RAPGEF4: variants seen among roughly 807,000 people sequenced by gnomAD.
The protein encoded by RAPGEF4 is Rap guanine nucleotide exchange factor 4.
RAPGEF4 carries 66 observed loss-of-function variants against 147.9 expected under a neutral mutation model. That is an observed-to-expected ratio of 0.45 (90% CI 0.37 to 0.55). The LOEUF is 0.55. RAPGEF4 is among the 20% of genes least tolerant of loss of function. The pLI, the probability that RAPGEF4 is intolerant of heterozygous loss-of-function variation, is 0.00. For synonymous variants in RAPGEF4, 419 were observed against 442.7 expected, an observed-to-expected ratio of 0.95 and a Z score of 0.67; for missense variants, 1,071 against 1,257.3, an observed-to-expected ratio of 0.85 and a Z score of 2.24.
chr2:173,043,491 G>A (rs1037472542), intron 29 of RAPGEF4, among the ~76,000 whole-genome samples: 2 of 152,226 alleles, frequency 1.3e-5, no homozygotes, highest in Non-Finnish European at 2.9e-5. Context: ...CCAATGAGGT[G>A]GCGTGGCCTG....
intron 4 of RAPGEF4, among the ~76,000 whole-genome samples, chr2:172,902,566 A>G (rs562500476): frequency 5.3e-5 from 8 of 152,216 alleles, no homozygotes; most frequent in Admixed American, 2.0e-4. Context: ...CTCTCTCAGC[A>G]CTGCCGTCTC....
At chr2:172,975,244 C>T (rs1301297290) in intron 10 of RAPGEF4, among the ~76,000 whole-genome samples, 1 of 152,190 alleles carries the variant, frequency 6.6e-6, no homozygotes, top group Admixed American at 6.5e-5. Flanking sequence ...TGAAAACCCA[C>T]AGCTCTGGAA....
chr2:173,035,532 ATCTCACTTGGGG>A (rs1683879657), intron 27 of RAPGEF4, among the ~76,000 whole-genome samples: 1 of 147,492 alleles, frequency 6.8e-6, no homozygotes, highest in South Asian at 2.2e-4. Context: ...AAAAAAAGGG[ATCTCACTTGGGG>A]TCTCACTATT....
At chr2:172,797,476 A>T (rs1463740423) in intron 2 of RAPGEF4, 49 bp from the exon 3 acceptor site, 2 of 1,501,122 alleles carry the variant, frequency 1.3e-6, no homozygotes, top group East Asian at 4.7e-5. Flanking sequence ...ATCATATAGT[A>T]AAACCAAGTT....
chr2:173,029,474 T>G (rs1696979500), intron 25 of RAPGEF4, among the ~76,000 whole-genome samples: 1 of 152,182 alleles, frequency 6.6e-6, no homozygotes, highest in South Asian at 2.1e-4. Flanking sequence ...AGAATTTCTG[T>G]TTTTTTCCAC....
At chr2:172,978,982 T>C (rs1448321773) in intron 10 of RAPGEF4, among the ~76,000 whole-genome samples, 1 of 152,250 alleles carries the variant, frequency 6.6e-6, no homozygotes, top group Non-Finnish European at 1.5e-5. Flanking sequence ...AAACTCCCGC[T>C]GATCTCAACA....
intron 4 of RAPGEF4, among the ~76,000 whole-genome samples, chr2:172,865,890 A>G (rs1694586877): frequency 6.6e-6 from 1 of 152,124 alleles, no homozygotes; most frequent in Admixed American, 6.5e-5. Context: ...ACACATACAT[A>G]TATATAGTCC....
At chr2:173,037,056 A>G (rs1684110632) in intron 29 of RAPGEF4, among the ~76,000 whole-genome samples, 1 of 152,210 alleles carries the variant, frequency 6.6e-6, no homozygotes, top group East Asian at 1.9e-4. Context: ...TTATCTGCCA[A>G]GCCTGACTTC....
In RAPGEF4 at chr2:173,051,902, G is replaced by GATGT; in HGVS notation, c.*135_*136insATGT. 1 of 1,018,278 alleles carries GATGT rather than the reference G, an allele frequency of 9.8e-7. No individual in the cohort carries two copies. The highest frequency in any genetic ancestry group is 1.4e-6 in the Non-Finnish European group (1 of 699,698). The allele number at this position is 1,018,278 out of a possible 1,614,324, so 63.1% of individuals were successfully genotyped here. A position where few individuals can be genotyped will look rare whatever the true frequency, so the allele number is the denominator to read the frequency against. ...AAAAACACATCCTGAGACACCTCAG[G>GATGT]GCTGCATTCAGCTTACCAGCTACCT... is the stretch of plus-strand genomic sequence containing the variant. On this transcript the variant is annotated 3_prime_UTR_variant, in exon 31 of 31. Coordinates refer to ENST00000397081, the MANE Select transcript of RAPGEF4 (RefSeq NM_007023.4).
At chr2:172,780,949 A>G (rs1392218834) in intron 1 of RAPGEF4, among the ~76,000 whole-genome samples, 6 of 152,002 alleles carry the variant, frequency 3.9e-5, no homozygotes, top group Non-Finnish European at 7.4e-5. Context: ...AAAACATTTC[A>G]CTTCTTTCAT....
chr2:172,811,301 T>C (rs575217667), intron 3 of RAPGEF4, among the ~76,000 whole-genome samples: 34 of 152,368 alleles, frequency 2.2e-4, no homozygotes, highest in Non-Finnish European at 3.8e-4. Flanking sequence ...CAGCATCTGC[T>C]AAACCACCAT....
intron 10 of RAPGEF4, among the ~76,000 whole-genome samples, chr2:172,978,818 G>A (rs925381433): frequency 5.3e-5 from 8 of 152,186 alleles, no homozygotes; most frequent in Admixed American, 2.0e-4. Flanking sequence ...ATAGTTCATC[G>A]TTTGTGGTGG....
intron 4 of RAPGEF4, among the ~76,000 whole-genome samples, chr2:172,915,440 C>T (rs1575223229): frequency 6.6e-6 from 1 of 151,878 alleles, no homozygotes; most frequent in Non-Finnish European, 1.5e-5. Flanking sequence ...GTGGCTCAAG[C>T]CTGTAATCCC....
chr2:172,965,069 A>G lies in RAPGEF4; in HGVS notation c.699-493A>G, dbSNP rs117220811. ...CCCTCCAAGGAAGATCAGTAGTATT[A>G]CTTGAAAATATAAAGTGCTATATAA... is the stretch of plus-strand genomic sequence containing the variant. On this transcript the variant is annotated intron_variant, in intron 8 of 30. Coordinates refer to ENST00000397081, the MANE Select transcript of RAPGEF4 (RefSeq NM_007023.4). 240 of 155,942 alleles carry G rather than the reference A, an allele frequency of 1.5e-3. 6 individuals are homozygous for G. In the East Asian group the frequency reaches 0.042, roughly 27 times the overall value. 9.7% of individuals were successfully genotyped at this position (155,942 alleles called of 1,614,324 possible).
At chr2:172,771,782 G>T (rs943998610) in intron 1 of RAPGEF4, among the ~76,000 whole-genome samples, 10 of 152,072 alleles carry the variant, frequency 6.6e-5, no homozygotes, top group Non-Finnish European at 1.2e-4. Flanking sequence ...AAATGTTTAT[G>T]TGCATCTGCA....
chr2:172,988,348 T>C (rs1692484808), intron 13 of RAPGEF4, 76 bp downstream of exon 13: 2 of 1,520,060 alleles, frequency 1.3e-6, no homozygotes, highest in South Asian at 2.6e-5. Context: ...AGCAATGTAG[T>C]GCCACAATTA....
intron 6 of RAPGEF4, among the ~76,000 whole-genome samples, chr2:172,931,139 T>G (rs1315677000): frequency 1.8e-5 from 2 of 108,926 alleles, no homozygotes; most frequent in Admixed American, 2.8e-4. Flanking sequence ...CTTACCACAA[T>G]AAAAGGATTA....
intron 17 of RAPGEF4, among the ~76,000 whole-genome samples, chr2:173,004,575 C>A (rs1200126477): frequency 1.3e-5 from 2 of 151,710 alleles, no homozygotes; most frequent in African/African-American, 4.8e-5. Context: ...ATTTTGTATA[C>A]CTTTTAATTA....
chr2:172,967,364 T>G lies in RAPGEF4; in HGVS notation c.924T>G (p.Cys308Trp). Residue 308 changes from cysteine (C) to tryptophan (W), a missense_variant, in exon 10 of 31, where the codon TGT becomes TGG. Cys to Trp is a radical substitution (Grantham distance 215). Coordinates refer to ENST00000397081, the MANE Select transcript of RAPGEF4 (RefSeq NM_007023.4). ...CTACTGAGGAGGAGAAGAAGGAGTG[T>G]GATGAGGAGCTCCAGGACACCATGC... The part of the protein sequence containing the change: ...PLPTEEEKKE[C>W]DEELQDTMLL... The G allele has an allele frequency of 6.2e-7, 1 of 1,612,026 alleles. No individual in the cohort carries two copies. Among genetic ancestry groups the G allele is most frequent in the Non-Finnish European group, 8.5e-7 (1 of 1,179,810 alleles).
Sources: gnomAD v4.1 joint callset for allele counts (sites outside exome capture counted in the v4.1 genomes callset) on GRCh38, gnomAD v4.1.1 for gene constraint, MANE v1.5 for transcripts, NCBI Gene and HGNC (gene_info 2026-07-23, HGNC 2026-07-21) for gene names.